ADARB2: variants seen among roughly 807,000 people sequenced by gnomAD.
ADARB2 encodes adenosine deaminase RNA specific B2 (inactive), also known as inactive double-stranded RNA-specific editase B2.
In ADARB2, 25 loss-of-function variants were observed where a neutral mutation model predicts 62.2. The observed-to-expected ratio is 0.40, with a 90% CI of 0.29 to 0.56. The LOEUF (loss-of-function observed/expected upper bound fraction) is 0.56, where lower values mean the gene tolerates loss of function less well. Ranked by LOEUF, ADARB2 falls within the 20% of genes least tolerant of loss-of-function variation. The pLI is 0.43. For missense variants in ADARB2, 1,071 were observed against 1,077.4 expected (o/e 0.99, Z 0.08); for synonymous variants, 572 against 500.8 (o/e 1.14, Z -1.90).
chr10:1,204,961 C>T (rs1837032906), intron 7 of ADARB2, among the ~76,000 whole-genome samples: 1 of 152,254 alleles, frequency 6.6e-6, no homozygotes, highest in Non-Finnish European at 1.5e-5. Flanking sequence ...GTGACATCCA[C>T]AGGGTGGGCC....
chr10:1,652,604 T>C lies in ADARB2; in HGVS notation c.100+84447A>G, dbSNP rs557976191. The stretch of plus-strand genomic sequence containing the variant: ...TTGCTAGAATTGTTGCTATGATTTT[T>C]CCTTATTCATTAATTTCCTTTTGCT... On this transcript the variant is annotated intron_variant, in intron 1 of 9. Transcript: ENST00000381312. 5.3e-5 allele frequency among the ~76,000 whole-genome samples: 8 copies of C among 152,338 alleles called. No homozygotes were observed. In the East Asian group the frequency reaches 1.3e-3, roughly 26 times the overall value.
intron 1 of ADARB2, among the ~76,000 whole-genome samples, chr10:1,641,276 G>A (rs1296822477): frequency 1.3e-5 from 2 of 152,218 alleles, no homozygotes; most frequent in Admixed American, 6.5e-5. Context: ...TCTAAAAGCT[G>A]ATAAGCTCCA....
At chr10:1,425,180 G>C (rs1197572920) in intron 1 of ADARB2, among the ~76,000 whole-genome samples, 1 of 152,150 alleles carries the variant, frequency 6.6e-6, no homozygotes, top group Non-Finnish European at 1.5e-5. Context: ...GCATTATCCT[G>C]TAATTGGACT....
At chr10:1,652,312 T>A (rs886262464) in intron 1 of ADARB2, among the ~76,000 whole-genome samples, 1 of 152,214 alleles carries the variant, frequency 6.6e-6, no homozygotes, top group Non-Finnish European at 1.5e-5. Flanking sequence ...CCGGCCCTGC[T>A]AGGGACGTAG....
intron 8 of ADARB2, among the ~76,000 whole-genome samples, chr10:1,195,378 T>A (rs1243215717): frequency 6.8e-6 from 1 of 147,570 alleles, no homozygotes; most frequent in Non-Finnish European, 1.5e-5. Context: ...TATCTGTCAA[T>A]GCTGTACACA....
intron 1 of ADARB2, among the ~76,000 whole-genome samples, chr10:1,693,003 G>A (rs1254157991): frequency 6.6e-6 from 1 of 152,144 alleles, no homozygotes; most frequent in Non-Finnish European, 1.5e-5. Context: ...CCAGGTGCTA[G>A]TCCTGAAGCC....
At chr10:1,660,523 C>G (rs968140199) in intron 1 of ADARB2, among the ~76,000 whole-genome samples, 2 of 152,142 alleles carry the variant, frequency 1.3e-5, no homozygotes, top group Non-Finnish European at 2.9e-5. Flanking sequence ...ACGAATAGCT[C>G]CAGTATCTGG....
intron 4 of ADARB2, among the ~76,000 whole-genome samples, chr10:1,262,124 A>G (rs1344201228): frequency 8.7e-6 from 1 of 115,170 alleles, no homozygotes; most frequent in Non-Finnish European, 1.6e-5. Context: ...GGGGAATATC[A>G]CACTCTGGGG....
At chr10:1,670,221 C>T (rs1020253568) in intron 1 of ADARB2, among the ~76,000 whole-genome samples, 1 of 152,194 alleles carries the variant, frequency 6.6e-6, no homozygotes, top group African/African-American at 2.4e-5. Context: ...GTATAATTTT[C>T]ATACTAGTTT....
rs1295955525 is a variant in ADARB2 at position 1,376,602 on chromosome 10, T to C, written c.187+2472A>G. On this transcript the variant is annotated intron_variant, in intron 2 of 9. Coordinates refer to ENST00000381312, the MANE Select transcript of ADARB2 (RefSeq NM_018702.4). ...CACGGGCAGAGCAGTAACTTTCCCA[T>C]GTAGTCAGGTGGTTTATTTCTCCAG... 2.0e-5 allele frequency among the ~76,000 whole-genome samples: 3 copies of C among 152,126 alleles called. No individual in the cohort carries two copies. In the East Asian group the frequency reaches 5.8e-4, roughly 29 times the overall value.
At chr10:1,308,305 A>G (rs767799365) in intron 3 of ADARB2, among the ~76,000 whole-genome samples, 10 of 152,032 alleles carry the variant, frequency 6.6e-5, no homozygotes, top group Admixed American at 3.3e-4. Flanking sequence ...TCACTCAGCA[A>G]TATGCATTTA....
intron 1 of ADARB2, among the ~76,000 whole-genome samples, chr10:1,622,988 C>T (rs1220717816): frequency 2.6e-5 from 4 of 152,126 alleles, no homozygotes; most frequent in Admixed American, 6.5e-5. Context: ...AATAGCATTC[C>T]GTAGGCCAAA....
chr10:1,384,876 G>A (rs867115112), intron 1 of ADARB2, among the ~76,000 whole-genome samples: 1 of 152,164 alleles, frequency 6.6e-6, no homozygotes, highest in Non-Finnish European at 1.5e-5. Flanking sequence ...GAGAGCAGTG[G>A]CTGGGGACCT....
intron 1 of ADARB2, among the ~76,000 whole-genome samples, chr10:1,507,817 G>A (rs1831871440): frequency 6.6e-6 from 1 of 152,202 alleles, no homozygotes. Context: ...AGAACTGGAG[G>A]AGAAGAGCTG....
At chr10:1,492,392 G>A (rs1831633532) in intron 1 of ADARB2, among the ~76,000 whole-genome samples, 1 of 152,146 alleles carries the variant, frequency 6.6e-6, no homozygotes. Context: ...CAGTATGTTG[G>A]TGTCCTTATC....
At position 1,562,271 on chromosome 10, in the gene ADARB2, C is replaced by T. The variant is rs182782133; in HGVS notation, c.100+174780G>A. On this transcript the variant is annotated intron_variant, in intron 1 of 9. Coordinates refer to ENST00000381312, the MANE Select transcript of ADARB2 (RefSeq NM_018702.4). ...AGCGTGTTCGGCTCATGCTGCCAAT[C>T]CATGTCCCTCCCAGCCCTCATCACA... Among the ~76,000 whole-genome samples, 835 of 152,218 alleles carry T rather than the reference C, an allele frequency of 5.5e-3. 3 individuals are homozygous for T. The highest frequency in any genetic ancestry group is 7.7e-3 in the Non-Finnish European group (522 of 68,016).
chr10:1,456,908 C>T (rs2131905388), intron 1 of ADARB2, among the ~76,000 whole-genome samples: 1 of 152,254 alleles, frequency 6.6e-6, no homozygotes, highest in Middle Eastern at 3.4e-3. Flanking sequence ...GATTCTCCTG[C>T]CTCAACCTCC....
intron 1 of ADARB2, among the ~76,000 whole-genome samples, chr10:1,496,195 C>T (rs1391868731): frequency 1.3e-5 from 2 of 151,686 alleles, no homozygotes; most frequent in African/African-American, 4.8e-5. Context: ...TCATCATCAC[C>T]ATAATAAGTA....
At chr10:1,567,700 G>C (rs898177127) in intron 1 of ADARB2, among the ~76,000 whole-genome samples, 1 of 152,214 alleles carries the variant, frequency 6.6e-6, no homozygotes, top group African/African-American at 2.4e-5. Flanking sequence ...GCTGATGCTC[G>C]ATGTCTTGGA....
Sources: allele counts gnomAD v4.1 joint callset (sites outside exome capture counted in the v4.1 genomes callset), GRCh38; gene constraint gnomAD v4.1.1; transcripts MANE v1.5; gene names NCBI Gene and HGNC (gene_info 2026-07-23, HGNC 2026-07-21).